TCF4: variants seen among roughly 807,000 people sequenced by gnomAD.
The protein encoded by TCF4 is transcription factor 4, also known as SL3-3 enhancer factor 2.
Under a neutral mutation model 82.1 loss-of-function variants are expected in TCF4, and 3 were observed. The ratio of observed to expected loss-of-function variants is 0.04; its 90% CI spans 0.02 to 0.09. TCF4 has a LOEUF of 0.09. Ranked by LOEUF, TCF4 falls within the 10% of genes least tolerant of loss-of-function variation. The pLI, the probability that TCF4 is intolerant of heterozygous loss-of-function variation, is 1.00. For missense variants in TCF4, 518 were observed against 852.7 expected, an observed-to-expected ratio of 0.61 and a Z score of 4.89; for synonymous variants, 276 against 309.6, an observed-to-expected ratio of 0.89 and a Z score of 1.14.
At chr18:55,576,438 C>T (rs1187891884) in intron 3 of TCF4, among the ~76,000 whole-genome samples, 5 of 152,256 alleles carry the variant, frequency 3.3e-5, no homozygotes, top group East Asian at 3.9e-4. Flanking sequence ...AGAAAATAAA[C>T]GGCAACCAAG....
intron 3 of TCF4, among the ~76,000 whole-genome samples, chr18:55,465,827 T>C (rs888611686): frequency 2.0e-5 from 3 of 152,212 alleles, no homozygotes; most frequent in Admixed American, 6.5e-5. Context: ...CTGGCGCATC[T>C]TGACTTTCTT....
At chr18:55,261,797 G>A (rs1419076546) in intron 11 of TCF4, among the ~76,000 whole-genome samples, 2 of 152,166 alleles carry the variant, frequency 1.3e-5, no homozygotes, top group African/African-American at 2.4e-5. Flanking sequence ...TTGATGAGCT[G>A]GTGAATGTAG....
At chr18:55,444,677 G>A (rs1181979058) in intron 5 of TCF4, among the ~76,000 whole-genome samples, 1 of 152,112 alleles carries the variant, frequency 6.6e-6, no homozygotes, top group African/African-American at 2.4e-5. Flanking sequence ...GTCTCTCTCT[G>A]GGGAACTTAT....
intron 8 of TCF4, chr18:55,302,520 T>C: frequency 6.5e-7 from 1 of 1,536,038 alleles, no homozygotes; most frequent in South Asian, 1.2e-5. Flanking sequence ...CAGACATGGC[T>C]GACAGCATCA....
At chr18:55,516,636 G>C (rs541441150) in intron 3 of TCF4, among the ~76,000 whole-genome samples, 1 of 152,268 alleles carries the variant, frequency 6.6e-6, no homozygotes, top group East Asian at 1.9e-4. Context: ...GTCAGGGAAG[G>C]CTTTCTGATA....
chr18:55,619,855 G>A (rs1407744077), intron 2 of TCF4, among the ~76,000 whole-genome samples: 1 of 152,062 alleles, frequency 6.6e-6, no homozygotes, highest in African/African-American at 2.4e-5. Context: ...CTTCCCTGGA[G>A]TGTGGTTACA....
At chr18:55,268,162 G>GCCTAA (rs1307248522) in intron 11 of TCF4, 4 of 152,008 alleles carry the variant, frequency 2.6e-5, no homozygotes, top group Middle Eastern at 3.4e-3. Flanking sequence ...TTCAAACAGA[G>GCCTAA]CCTAAGTATG....
chr18:55,546,740 T>C (rs1304203052), intron 3 of TCF4: 1 of 152,210 alleles, frequency 6.6e-6, no homozygotes, highest in Admixed American at 6.5e-5. Context: ...AATAATAAAT[T>C]TTCAGCTTTG....
rs114841877 is a variant in TCF4 at position 55,460,271 on chromosome 18, A to G, written c.304+748T>C. Among the ~76,000 whole-genome samples, 89 of 151,592 alleles carry G rather than the reference A, an allele frequency of 5.9e-4. 1 individual carries two copies. The highest frequency in any genetic ancestry group is 2.1e-3 in the African/African-American group (85 of 41,390). On this transcript the variant is annotated intron_variant, in intron 5 of 19. Transcript: ENST00000354452. ...AGAACAAAGATCTTTTTTTTTTTCA[A>G]TCAAAACTAAAGTAGCCAGCTATTG... is the stretch of plus-strand genomic sequence containing the variant.
In TCF4 at chr18:55,630,085, G is replaced by T. The variant is rs373904118; in HGVS notation, c.286+1213C>A. The stretch of plus-strand genomic sequence containing the variant: ...TTTTGAGCACCATCTGAAGACATTT[G>T]TGTCTTCAGCTAAAGTAAAGCAAAG... On this transcript the variant is annotated intron_variant, in intron 2 of 20. Transcript: ENST00000398339. Among the ~76,000 whole-genome samples, 11 of 152,142 alleles carry T rather than the reference G, an allele frequency of 7.2e-5. 1 individual carries two copies. In the South Asian group the frequency reaches 1.9e-3, roughly 26 times the overall value.
At chr18:55,243,045 T>C (rs1419917131) in intron 15 of TCF4, among the ~76,000 whole-genome samples, 1 of 152,218 alleles carries the variant, frequency 6.6e-6, no homozygotes, top group Non-Finnish European at 1.5e-5. Flanking sequence ...GGGACTACTT[T>C]AAGAAGAACA....
chr18:55,350,487 A>G, intron 7 of TCF4, 79 bp from the exon 8 acceptor site: 5 of 1,403,622 alleles, frequency 3.6e-6, no homozygotes, highest in Non-Finnish European at 5.0e-6. Context: ...AAAGACTTCT[A>G]GATGATACCA....
At chr18:55,462,288 G>C (rs1395007352) in intron 4 of TCF4, among the ~76,000 whole-genome samples, 1 of 151,972 alleles carries the variant, frequency 6.6e-6, no homozygotes, top group Non-Finnish European at 1.5e-5. Flanking sequence ...CTCTATACCA[G>C]GCATTGCATA....
intron 6 of TCF4, among the ~76,000 whole-genome samples, chr18:55,374,928 T>G (rs1049156113): frequency 7.0e-6 from 1 of 143,252 alleles, no homozygotes; most frequent in African/African-American, 2.6e-5. Context: ...TATCAAAAAT[T>G]CCCCTCTTAT....
At chr18:55,498,060 C>T (rs959023128) in intron 3 of TCF4, among the ~76,000 whole-genome samples, 1 of 152,032 alleles carries the variant, frequency 6.6e-6, no homozygotes, top group African/African-American at 2.4e-5. Flanking sequence ...GCTTGTCAGT[C>T]ACACAAGTGT....
rs899032882 is a variant in TCF4, at chr18:55,299,628, G to A, written c.550-19972C>T. ...AAGTGAAAAAAGTCAAAACCTCATGGGCTGCCCATCTTAGAACAGATTACC... is the reference window on the plus strand; with the variant it reads ...AAGTGAAAAAAGTCAAAACCTCATGAGCTGCCCATCTTAGAACAGATTACC... On this transcript the variant is annotated intron_variant, in intron 8 of 19. Coordinates refer to ENST00000354452, the MANE Select transcript of TCF4 (RefSeq NM_001083962.2). Among the ~76,000 whole-genome samples, 4 of 151,882 alleles carry A rather than the reference G, an allele frequency of 2.6e-5. No individual in the cohort carries two copies. The South Asian group carries it at 6.2e-4, about 24-fold the overall frequency.
At chr18:55,253,091 C>T (rs1282370372) in intron 15 of TCF4, among the ~76,000 whole-genome samples, 1 of 152,272 alleles carries the variant, frequency 6.6e-6, no homozygotes, top group Non-Finnish European at 1.5e-5. Context: ...TATCTTTCCA[C>T]ATTTTAGATG....
chr18:55,448,701 T>A (rs1457421252), intron 5 of TCF4, among the ~76,000 whole-genome samples: 1 of 152,232 alleles, frequency 6.6e-6, no homozygotes, highest in African/African-American at 2.4e-5. Flanking sequence ...TACCGTGTAG[T>A]TACTACAGTT....
chr18:55,396,620 A>G (rs1272310506), intron 6 of TCF4, among the ~76,000 whole-genome samples: 2 of 152,158 alleles, frequency 1.3e-5, no homozygotes, highest in Non-Finnish European at 2.9e-5. Context: ...AGGGGCACAG[A>G]GGTTGTTGCA....
Sources: allele counts gnomAD v4.1 joint callset (sites outside exome capture counted in the v4.1 genomes callset), GRCh38; gene constraint gnomAD v4.1.1; transcripts MANE v1.5; gene names NCBI Gene and HGNC (gene_info 2026-07-23, HGNC 2026-07-21).